The following DOK1 variants were observed in gnomAD, a reference collection of about 807,000 sequenced individuals.
DOK1 encodes the protein Downstream of tyrosine kinase 1.
A neutral mutation model predicts 24.0 loss-of-function variants in DOK1; 12 were observed. The ratio of observed to expected loss-of-function variants is 0.50; its 90% confidence interval spans 0.32 to 0.81. DOK1 has a LOEUF of 0.81. Among genes scored for constraint, DOK1 ranks in the 30% least tolerant of loss-of-function variants. The pLI is 0.03. For synonymous variants in DOK1, 250 were observed against 260.9 expected, an observed-to-expected ratio of 0.96 and a Z score of 0.40; for missense variants, 591 against 620.7, an observed-to-expected ratio of 0.95 and a Z score of 0.51.
chr2:74,549,190 C>T lies in DOK1; in HGVS notation c.-358+18C>T, dbSNP rs1445796515. 4.5e-6 allele frequency: 3 copies of T among 663,578 alleles called. No individual in the cohort carries two copies. The highest frequency in any genetic ancestry group is 7.1e-6 in the Non-Finnish European group (3 of 420,624). The allele number at this position is 663,578 out of a possible 1,614,324, so 41.1% of individuals were successfully genotyped here. ...CATTTCAGGTACTCCCTTGGGGCAC[C>T]TTTCGTGGTCCCACAAGATTTCCCA... On this transcript the variant is annotated intron_variant, in intron 1 of 4. Transcript: ENST00000409429. This position sits in a 1 kb window ranked among gnomAD's most constrained non-coding sequence, Gnocchi z 5.3.
rs769790716 is a variant in DOK1, at chr2:74,555,864, C to T, written c.455-30C>T. 3.1e-6 allele frequency: 5 copies of T among 1,589,096 alleles called. No homozygotes were observed. Among genetic ancestry groups the T allele is most frequent in the South Asian group, 1.1e-5 (1 of 87,764 alleles). On this transcript the variant is annotated intron_variant, in intron 3 of 4. Coordinates refer to ENST00000233668, the MANE Select transcript of DOK1 (RefSeq NM_001381.5). The surrounding 1 kb of genome is among the most constrained non-coding windows in gnomAD (Gnocchi z 6.1). ...CCCACTGCTGCCCCCGTCCCTCCCC[C>T]GCAGCTGTCTAATCGTGTATGCCTT... is the stretch of plus-strand genomic sequence containing the variant.
At chr2:74,550,954 A>G (rs1007104653), upstream of DOK1, among the ~76,000 whole-genome samples, 1 of 150,258 alleles carries the variant, frequency 6.7e-6, no homozygotes, top group Non-Finnish European at 1.5e-5. Flanking sequence ...TTTTTTTGAA[A>G]CGAAGTCTTG....
rs1677556512 is a variant in DOK1 at position 74,557,350 on chromosome 2, A to G, written c.*236A>G. ...CATCCCCCAAAGCCATCCCTTCCCT[A>G]CTTCCCCAAATGAAGGGACGGCTGT... On this transcript the variant is annotated 3_prime_UTR_variant, in exon 5 of 5. Coordinates refer to ENST00000233668, the MANE Select transcript of DOK1 (RefSeq NM_001381.5). The G allele has an allele frequency of 6.3e-6, 3 of 479,522 alleles. No homozygotes were observed. Among genetic ancestry groups the G allele is most frequent in the East Asian group, 6.5e-5 (2 of 30,656 alleles). 29.7% of individuals were successfully genotyped at this position (479,522 alleles called of 1,614,324 possible). A position where few individuals can be genotyped will look rare whatever the true frequency, so the allele number is the denominator to read the frequency against.
upstream of DOK1, chr2:74,550,034 A>T (rs1676900761): frequency 6.8e-7 from 1 of 1,470,062 alleles, no homozygotes; most frequent in Non-Finnish European, 8.9e-7. Context: ...ATTTTACAGC[A>T]TCTGGGAGCT....
At position 74,555,642 on chromosome 2, in the gene DOK1, ACTC is replaced by A; in HGVS notation, c.431_433del (p.Ser144del). The A allele has an allele frequency of 1.2e-6, 2 of 1,613,892 alleles. No homozygotes were observed. Among genetic ancestry groups the A allele is most frequent in the East Asian group, 2.2e-5 (1 of 44,872 alleles). On this transcript the variant is annotated inframe_deletion, in exon 3 of 5. Transcript: ENST00000233668. The surrounding 1 kb of genome is among the most constrained non-coding windows in gnomAD (Gnocchi z 6.1). ...CTTTCTGCCCTGGAGATGCTGGAGAACTCCTTGTACAGCCCTACCTGGGAAGGT... is the reference window on the plus strand; with the variant it reads ...CTTTCTGCCCTGGAGATGCTGGAGAACTTGTACAGCCCTACCTGGGAAGGT...
chr2:74,552,669 G>A, upstream of DOK1: 1 of 1,487,536 alleles, frequency 6.7e-7, no homozygotes, highest in Non-Finnish European at 9.0e-7. Context: ...GAGACAAAGT[G>A]TGCGTGAGAG....
Position 74,556,206 on chromosome 2 carries a change from C to T in DOK1, c.640-102C>T, listed in dbSNP as rs999154708. 6 of 1,537,572 alleles carry T rather than the reference C, an allele frequency of 3.9e-6. No individual in the cohort carries two copies. Among genetic ancestry groups the T allele is most frequent in the Admixed American group, 4.0e-5 (2 of 50,288 alleles). On this transcript the variant is annotated intron_variant, in intron 4 of 4. Coordinates refer to ENST00000233668, the MANE Select transcript of DOK1 (RefSeq NM_001381.5). This position sits in a 1 kb window ranked among gnomAD's most constrained non-coding sequence, Gnocchi z 4.1. ...CCTACCCGGTGACCCCGCGTCTGTT[C>T]GCAGGTGGTCTCTTCTTTGTAGATA... is the stretch of plus-strand genomic sequence containing the variant.
In DOK1 at chr2:74,555,957, C is replaced by T; in HGVS notation, c.518C>T (p.Ser173Phe). 1 of 1,613,850 alleles carries T rather than the reference C, an allele frequency of 6.2e-7. No homozygotes were observed. Among genetic ancestry groups the T allele is most frequent in the Non-Finnish European group, 8.5e-7 (1 of 1,179,914 alleles). The change falls in exon 4 of 5, where the codon TCC (serine) becomes TTC (phenylalanine). Residue 173 changes from serine to phenylalanine, a missense_variant. By Grantham distance (155) the Ser-to-Phe change is radical. Transcript: ENST00000233668. This position sits in a 1 kb window ranked among gnomAD's most constrained non-coding sequence, Gnocchi z 6.1. ...GCCGAGCGCTGTGGCCTGCATGGCT[C>T]CTACGTGCTGAGGGTGGAGGCTGAA... ...EAAERCGLHG[S>F]YVLRVEAERL...
chr2:74,549,754 T>C (rs1676876550), upstream of DOK1: 1 of 1,434,990 alleles, frequency 7.0e-7, no homozygotes, highest in Non-Finnish European at 9.1e-7. The surrounding 1 kb of genome is among the most constrained non-coding windows in gnomAD (Gnocchi z 5.3). Flanking sequence ...GTGGACTCTC[T>C]TGCAGCCAGC....
At position 74,555,470 on chromosome 2, in the gene DOK1, A is replaced by G; in HGVS notation, c.360+17A>G. ...GCCTTTCCGGTGAGGAGCTGCGGCG[A>G]TGCGGGGTGGGGGCAGTTACAGAGG... On this transcript the variant is annotated intron_variant, in intron 2 of 4. Coordinates refer to ENST00000233668, the MANE Select transcript of DOK1 (RefSeq NM_001381.5). This position sits in a 1 kb window ranked among gnomAD's most constrained non-coding sequence, Gnocchi z 6.1. 3.1e-6 allele frequency: 5 copies of G among 1,608,348 alleles called. No homozygotes were observed. The highest frequency in any genetic ancestry group is 4.2e-6 in the Non-Finnish European group (5 of 1,177,914).
At chr2:74,554,405 T>TATCA, upstream of DOK1, 3 of 302,312 alleles carry the variant, frequency 9.9e-6, no homozygotes, top group Non-Finnish European at 1.2e-5. This position sits in a 1 kb window ranked among gnomAD's most constrained non-coding sequence, Gnocchi z 4.9. Flanking sequence ...CCCGGGGCGC[T>TATCA]TTCGGGGTGA....
chr2:74,556,773 GC>G lies in DOK1; in HGVS notation c.1109del (p.Pro370GlnfsTer24). On this transcript the variant is annotated frameshift_variant, in exon 5 of 5. Coordinates refer to ENST00000233668, the MANE Select transcript of DOK1 (RefSeq NM_001381.5). LOFTEE classifies it low-confidence loss of function (END_TRUNC). The surrounding 1 kb of genome is among the most constrained non-coding windows in gnomAD (Gnocchi z 4.1). Reference protein sequence around the residue: ...DPIYDEPEGLAPVPPQGLYDL... With the variant: ...DPIYDEPEGLXPVPPQGLYDL... ...CATCTATGATGAACCTGAGGGCCTG[GC>G]CCCAGTCCCTCCCCAGGGCCTTTAT... 6.2e-7 allele frequency: 1 copy of G among 1,614,192 alleles called. No homozygotes were observed.
chr2:74,555,696 ATGGAG>A lies in DOK1; in HGVS notation c.454+31_454+35del, dbSNP rs1238653628. ...AGACGCCTCAGAAGCCCGGGCAGGG[ATGGAG>A]TGAAGAGGAGGAGGGCCGAGGGCCT... is the stretch of plus-strand genomic sequence containing the variant. On this transcript the variant is annotated intron_variant, in intron 3 of 4. Transcript: ENST00000233668. This position sits in a 1 kb window ranked among gnomAD's most constrained non-coding sequence, Gnocchi z 6.1. 1 of 1,613,122 alleles carries A rather than the reference ATGGAG, an allele frequency of 6.2e-7. No homozygotes were observed. Among genetic ancestry groups the A allele is most frequent in the African/African-American group, 1.3e-5 (1 of 74,844 alleles).
upstream of DOK1, chr2:74,554,379 G>A: frequency 4.0e-6 from 1 of 251,664 alleles, no homozygotes; most frequent in Non-Finnish European, 7.7e-6. The surrounding 1 kb of genome is among the most constrained non-coding windows in gnomAD (Gnocchi z 4.9). Flanking sequence ...GGAGGCCCGT[G>A]TGGGTCTCTC....
upstream of DOK1, chr2:74,554,553 G>A (rs1677255882): frequency 1.7e-6 from 1 of 599,634 alleles, no homozygotes; most frequent in Non-Finnish European, 2.9e-6. This position sits in a 1 kb window ranked among gnomAD's most constrained non-coding sequence, Gnocchi z 4.9. Flanking sequence ...GGCGGGTAGG[G>A]GCCTGGGGTG....
chr2:74,554,388 TCC>T, upstream of DOK1: 1 of 248,938 alleles, frequency 4.0e-6, no homozygotes, highest in South Asian at 6.0e-5. The surrounding 1 kb of genome is among the most constrained non-coding windows in gnomAD (Gnocchi z 4.9). Flanking sequence ...TGTGGGTCTC[TCC>T]GGTGCCCGGG....
chr2:74,552,866 C>A, upstream of DOK1: 1 of 514,078 alleles, frequency 1.9e-6, no homozygotes, highest in Non-Finnish European at 3.4e-6. Flanking sequence ...CCTGAGAGAC[C>A]CAGAGATAAG....
In DOK1 at chr2:74,554,959, TC is replaced by T; in HGVS notation, c.60+148del. On this transcript the variant is annotated intron_variant, in intron 1 of 4. Transcript: ENST00000233668. The surrounding 1 kb of genome is among the most constrained non-coding windows in gnomAD (Gnocchi z 4.9). ...TTTCCCGTGAAGTTGCTTTGCACAC[TC>T]CCGGGAAGCGTCTGTAGTCTAGGGG... The T allele has an allele frequency of 6.9e-7, 1 of 1,454,152 alleles. No homozygotes were observed. Among genetic ancestry groups the T allele is most frequent in the South Asian group, 1.2e-5 (1 of 82,384 alleles). 90.1% of individuals were successfully genotyped at this position (1,454,152 alleles called of 1,614,324 possible).
At position 74,555,762 on chromosome 2, in the gene DOK1, A is replaced by G; in HGVS notation, c.454+94A>G. 6.3e-7 allele frequency: 1 copy of G among 1,594,986 alleles called. No homozygotes were observed. Among genetic ancestry groups the G allele is most frequent in the Non-Finnish European group, 8.5e-7 (1 of 1,171,010 alleles). Reference sequence around the variant, plus strand: ...GGTGGATACCCAGGGGCCCATGGGGAAGTAAGAAGTAGGAAGGCCCTGAGA... The same window carrying G: ...GGTGGATACCCAGGGGCCCATGGGGGAGTAAGAAGTAGGAAGGCCCTGAGA... On this transcript the variant is annotated intron_variant, in intron 3 of 4. Coordinates refer to ENST00000233668, the MANE Select transcript of DOK1 (RefSeq NM_001381.5). This position sits in a 1 kb window ranked among gnomAD's most constrained non-coding sequence, Gnocchi z 6.1.
Sources: gnomAD v4.1 joint callset for allele counts (sites outside exome capture counted in the v4.1 genomes callset) on GRCh38, gnomAD v4.1.1 for gene constraint, Gnocchi (gnomAD v3.1) non-coding constraint, MANE v1.5 for transcripts, NCBI Gene and HGNC (gene_info 2026-07-23, HGNC 2026-07-21) for gene names.